The following DOCK9 variants were observed in gnomAD, a reference collection of about 807,000 sequenced individuals.
DOCK9 encodes the protein dedicator of cytokinesis 9, also known as dedicator of cytokinesis protein 9.
In DOCK9, 89 loss-of-function variants were observed where a neutral mutation model predicts 263.3. The observed-to-expected ratio is 0.34, with a 90% CI of 0.28 to 0.40. DOCK9 has a LOEUF of 0.40. Among genes scored for constraint, DOCK9 ranks in the 10% least tolerant of loss-of-function variants. DOCK9 has a pLI of 1.00. For missense variants in DOCK9, 2,140 were observed against 2,603.4 expected, an observed-to-expected ratio of 0.82 and a Z score of 3.87; for synonymous variants, 976 against 973.1, an observed-to-expected ratio of 1.00 and a Z score of -0.06.
intron 2 of DOCK9, among the ~76,000 whole-genome samples, chr13:98,934,053 A>G (rs927290959): frequency 6.6e-6 from 1 of 151,544 alleles, no homozygotes; most frequent in Non-Finnish European, 1.5e-5. Flanking sequence ...ATGAGCCACC[A>G]TGCCTGGCTA....
intron 1 of DOCK9, among the ~76,000 whole-genome samples, chr13:99,056,272 T>TG (rs2040918288): frequency 6.6e-6 from 1 of 151,990 alleles, no homozygotes; most frequent in African/African-American, 2.4e-5. Context: ...TCAGCTTCCC[T>TG]GGCTATCCAA....
At chr13:99,005,440 G>T (rs34190586) in intron 1 of DOCK9, among the ~76,000 whole-genome samples, 56,584 of 151,840 alleles carry the variant, frequency 0.37, 10,894 homozygotes, top group South Asian at 0.53. Flanking sequence ...GCTTTTGCAG[G>T]GCACAGAGAA....
At chr13:98,905,088 GACAGAC>G (rs1369528287) in intron 9 of DOCK9, among the ~76,000 whole-genome samples, 1 of 152,226 alleles carries the variant, frequency 6.6e-6, no homozygotes, top group Non-Finnish European at 1.5e-5. Flanking sequence ...AGGATGCACA[GACAGAC>G]ACTGAGGATG....
At chr13:99,033,489 CAA>C (rs1412572624) in intron 1 of DOCK9, among the ~76,000 whole-genome samples, 1 of 152,212 alleles carries the variant, frequency 6.6e-6, no homozygotes, top group Non-Finnish European at 1.5e-5. Flanking sequence ...ATGCCGTCAA[CAA>C]ACCCTCCAGT....
chr13:98,912,260 T>C (rs955328651), intron 9 of DOCK9, among the ~76,000 whole-genome samples: 3 of 152,218 alleles, frequency 2.0e-5, no homozygotes, highest in African/African-American at 7.2e-5. Flanking sequence ...CAGGAAGGTC[T>C]AGAAAAGTCA....
intron 38 of DOCK9, among the ~76,000 whole-genome samples, chr13:98,844,601 G>A (rs2093334128): frequency 6.8e-6 from 1 of 147,126 alleles, no homozygotes. Context: ...GGTCTCAAGT[G>A]ATCCACCTGC....
Position 98,888,375 on chromosome 13 carries a change from C to A in DOCK9, c.1962G>T (p.Gln654His). ...TCACACTCACCTTGGCAAAAGACTT[C>A]TGACTGTCGTATTTCAAGTACTTAG... ...VYPKYLKYDS[Q>H]KSFAKARNIA... The change falls in exon 17 of 53, where the codon CAG (glutamine) becomes CAT (histidine). Residue 654 changes from glutamine (Q) to histidine (H), a missense_variant. Gln to His is a conservative substitution (Grantham distance 24). Coordinates refer to ENST00000682017, the MANE Select transcript of DOCK9 (RefSeq NM_001366683.2). 1 of 1,613,132 alleles carries A rather than the reference C, an allele frequency of 6.2e-7. No individual in the cohort carries two copies. Among genetic ancestry groups the A allele is most frequent in the South Asian group, 1.1e-5 (1 of 90,900 alleles).
At chr13:98,961,177 AG>A (rs2058598518) in intron 1 of DOCK9, among the ~76,000 whole-genome samples, 1 of 152,194 alleles carries the variant, frequency 6.6e-6, no homozygotes, top group Admixed American at 6.5e-5. Context: ...TTACTAAGGA[AG>A]GGATGCTTGG....
chr13:99,020,790 G>A (rs1886002113), intron 1 of DOCK9, among the ~76,000 whole-genome samples: 1 of 152,116 alleles, frequency 6.6e-6, no homozygotes, highest in African/African-American at 2.4e-5. Flanking sequence ...TCAGACCTGG[G>A]GTCTATCTTA....
At chr13:98,978,558 A>G (rs145311295), upstream of DOCK9, among the ~76,000 whole-genome samples, 1 of 152,354 alleles carries the variant, frequency 6.6e-6, no homozygotes, top group African/African-American at 2.4e-5. Context: ...TTTATGTACT[A>G]TTTGATGCCA....
chr13:98,950,250 CAG>C (rs1368648156), intron 2 of DOCK9: 3 of 843,908 alleles, frequency 3.6e-6, no homozygotes, highest in Non-Finnish European at 5.5e-6. Context: ...GTCTGAGATG[CAG>C]CTTGTCGTGT....
intron 49 of DOCK9, among the ~76,000 whole-genome samples, 190 bp downstream of exon 49, chr13:98,804,809 T>C (rs1289319): frequency 0.37 from 55,661 of 152,044 alleles, 10,554 homozygotes; most frequent in Admixed American, 0.39. Context: ...GAAGGAAGTG[T>C]CAACAGATCA....
chr13:99,010,426 T>G, intron 1 of DOCK9, among the ~76,000 whole-genome samples: 1 of 152,222 alleles, frequency 6.6e-6, no homozygotes, highest in East Asian at 1.9e-4. Context: ...CCACTGGAGA[T>G]TCTAGGCTGA....
intron 4 of DOCK9, among the ~76,000 whole-genome samples, chr13:98,925,284 A>C (rs1454446200): frequency 6.6e-6 from 1 of 152,236 alleles, no homozygotes; most frequent in Non-Finnish European, 1.5e-5. Flanking sequence ...TGTCAAGGCA[A>C]TACCTAGCTA....
At chr13:98,863,259 G>C in intron 31 of DOCK9, 111 bp downstream of exon 31, 2 of 1,512,626 alleles carry the variant, frequency 1.3e-6, no homozygotes, top group Non-Finnish European at 1.8e-6. Flanking sequence ...TCCCAAAATA[G>C]AGCAAAATCT....
At chr13:98,803,354 A>G (rs2090336226) in intron 49 of DOCK9, among the ~76,000 whole-genome samples, 1 of 152,230 alleles carries the variant, frequency 6.6e-6, no homozygotes, top group Non-Finnish European at 1.5e-5. Context: ...TGCCTTAACA[A>G]TAACCATACT....
intron 45 of DOCK9, among the ~76,000 whole-genome samples, chr13:98,821,192 G>T (rs2092253270): frequency 6.6e-6 from 1 of 152,156 alleles, no homozygotes; most frequent in Non-Finnish European, 1.5e-5. Flanking sequence ...TGCAGGACTC[G>T]TGCATGGTGA....
At chr13:98,930,804 T>G (rs2140290352) in intron 2 of DOCK9, among the ~76,000 whole-genome samples, 1 of 151,804 alleles carries the variant, frequency 6.6e-6, no homozygotes, top group African/African-American at 2.4e-5. Context: ...GCCACCACGC[T>G]CGGTTAATTT....
At chr13:98,918,881 G>C (rs1206518875) in intron 7 of DOCK9, among the ~76,000 whole-genome samples, 1 of 152,172 alleles carries the variant, frequency 6.6e-6, no homozygotes, top group Non-Finnish European at 1.5e-5. Flanking sequence ...TACATGGCAG[G>C]TGTGTGGGGC....
Sources: gnomAD v4.1 joint callset for allele counts (sites outside exome capture counted in the v4.1 genomes callset) on GRCh38, gnomAD v4.1.1 for gene constraint, MANE v1.5 for transcripts, NCBI Gene and HGNC (gene_info 2026-07-23, HGNC 2026-07-21) for gene names.